Variants in COP1 observed in about 807,000 individuals in gnomAD.
The protein encoded by COP1 is E3 ubiquitin-protein ligase COP1.
In COP1, 24 loss-of-function variants were observed where a neutral mutation model predicts 101.3. The ratio of observed to expected loss-of-function variants is 0.24; its 90% CI spans 0.17 to 0.33. COP1 has a LOEUF of 0.33. Ranked by LOEUF, COP1 falls within the 10% of genes least tolerant of loss-of-function variation. The pLI, the probability that COP1 is intolerant of heterozygous loss-of-function variation, is 1.00. For synonymous variants in COP1, 347 were observed against 341.9 expected (o/e 1.01, Z -0.17); for missense variants, 663 against 906.2 (o/e 0.73, Z 3.45).
chr1:176,064,739 G>A (rs914233395), intron 11 of COP1, among the ~76,000 whole-genome samples: 3 of 151,560 alleles, frequency 2.0e-5, no homozygotes, highest in East Asian at 1.9e-4. Context: ...CTGCAGCCTC[G>A]ACCTCCCAGA....
At chr1:176,129,340 A>G (rs148228762) in intron 8 of COP1, among the ~76,000 whole-genome samples, 123 of 152,000 alleles carry the variant, frequency 8.1e-4, no homozygotes, top group African/African-American at 2.9e-3. Context: ...AGTGTCATAT[A>G]AAAGTCTTAC....
At chr1:176,198,539 G>A (rs546551176) in intron 1 of COP1, among the ~76,000 whole-genome samples, 1 of 152,100 alleles carries the variant, frequency 6.6e-6, no homozygotes, top group Admixed American at 6.5e-5. Flanking sequence ...CTAATTTCAT[G>A]TTAGATAACT....
At chr1:176,003,271 T>G (rs1168354044) in intron 15 of COP1, among the ~76,000 whole-genome samples, 2 of 152,202 alleles carry the variant, frequency 1.3e-5, no homozygotes, top group Non-Finnish European at 2.9e-5. Flanking sequence ...GATGAGTAGG[T>G]TGCAAAAATT....
At chr1:176,153,201 G>C (rs1264083034) in intron 5 of COP1, among the ~76,000 whole-genome samples, 3 of 152,058 alleles carry the variant, frequency 2.0e-5, no homozygotes, top group Non-Finnish European at 2.9e-5. Context: ...GTAAGGAAGG[G>C]ATGGCAGCAA....
At chr1:176,075,610 C>T (rs1449815079) in intron 11 of COP1, among the ~76,000 whole-genome samples, 4 of 152,128 alleles carry the variant, frequency 2.6e-5, no homozygotes, top group Non-Finnish European at 5.9e-5. Context: ...CTGAGATTTG[C>T]TTTAAAATAC....
intron 11 of COP1, among the ~76,000 whole-genome samples, chr1:176,047,385 G>GT (rs1459751376): frequency 6.6e-6 from 1 of 152,142 alleles, no homozygotes; most frequent in Non-Finnish European, 1.5e-5. Context: ...TAGAGGTGAG[G>GT]TAAATTGCCC....
intron 15 of COP1, among the ~76,000 whole-genome samples, chr1:176,009,396 A>T (rs1222986702): frequency 6.6e-6 from 1 of 152,236 alleles, no homozygotes. Flanking sequence ...TTATAAAAAT[A>T]ACATAGTACC....
At chr1:176,042,576 A>C (rs1347592261) in intron 14 of COP1, among the ~76,000 whole-genome samples, 2 of 150,444 alleles carry the variant, frequency 1.3e-5, no homozygotes, top group South Asian at 2.1e-4. Flanking sequence ...AAAAAAAAAA[A>C]AAAAACTAGC....
intron 8 of COP1, among the ~76,000 whole-genome samples, chr1:176,117,472 C>T (rs898149939): frequency 6.6e-6 from 1 of 152,148 alleles, no homozygotes; most frequent in Non-Finnish European, 1.5e-5. Flanking sequence ...TTCATCATTC[C>T]TATCTCCCTC....
At chr1:176,162,127 A>G (rs1369662641) in intron 5 of COP1, among the ~76,000 whole-genome samples, 1 of 152,150 alleles carries the variant, frequency 6.6e-6, no homozygotes, top group Admixed American at 6.5e-5. Context: ...TCAAATCCCT[A>G]TCTCATGTAC....
intron 15 of COP1, among the ~76,000 whole-genome samples, chr1:175,996,799 A>C (rs1252062521): frequency 1.3e-5 from 2 of 152,196 alleles, no homozygotes; most frequent in Admixed American, 6.5e-5. Flanking sequence ...GGAAGAATCA[A>C]TATCCTGAAA....
chr1:176,004,746 C>T (rs934886813), intron 15 of COP1, among the ~76,000 whole-genome samples: 32 of 148,918 alleles, frequency 2.1e-4, no homozygotes, highest in African/African-American at 2.9e-4. Context: ...CTGCGGGATT[C>T]GTTTTGCCAG....
chr1:176,156,744 A>C (rs893238735), intron 5 of COP1, among the ~76,000 whole-genome samples: 2 of 152,214 alleles, frequency 1.3e-5, no homozygotes, highest in Non-Finnish European at 2.9e-5. Context: ...ATTCATCCAG[A>C]AGATATAAAA....
chr1:176,093,139 AC>A (rs1184383069), intron 9 of COP1, among the ~76,000 whole-genome samples: 2 of 152,190 alleles, frequency 1.3e-5, no homozygotes, highest in African/African-American at 2.4e-5. Flanking sequence ...ATGTGGTAAA[AC>A]TTTTTTAAAA....
At chr1:176,038,743 G>A (rs1011211763) in intron 14 of COP1, among the ~76,000 whole-genome samples, 35 of 151,936 alleles carry the variant, frequency 2.3e-4, no homozygotes, top group Middle Eastern at 3.4e-3. Flanking sequence ...GCTTGAACCC[G>A]GGAGGCGGAG....
intron 5 of COP1, among the ~76,000 whole-genome samples, chr1:176,154,657 A>G (rs1380623633): frequency 6.6e-6 from 1 of 152,128 alleles, no homozygotes; most frequent in African/African-American, 2.4e-5. Flanking sequence ...GGAAGAGGAA[A>G]AGGATCACGA....
chr1:176,142,750 T>A (rs761479712), intron 6 of COP1, among the ~76,000 whole-genome samples: 6 of 151,056 alleles, frequency 4.0e-5, no homozygotes, highest in Non-Finnish European at 7.4e-5. Context: ...GTTCAAGTAA[T>A]AAGACATTTG....
chr1:176,055,521 T>C (rs958300859), intron 11 of COP1, among the ~76,000 whole-genome samples: 2 of 152,344 alleles, frequency 1.3e-5, no homozygotes, highest in East Asian at 1.9e-4. Context: ...CTGGATTTCT[T>C]TGGTGATCTC....
At chr1:176,174,524 C>T (rs1394374340) in intron 3 of COP1, among the ~76,000 whole-genome samples, 1 of 150,852 alleles carries the variant, frequency 6.6e-6, no homozygotes, top group Non-Finnish European at 1.5e-5. Flanking sequence ...TTAAGCACCC[C>T]TTTCTGCTAT....
Sources: gnomAD v4.1 joint callset for allele counts (sites outside exome capture counted in the v4.1 genomes callset) on GRCh38, gnomAD v4.1.1 for gene constraint, MANE v1.5 for transcripts, NCBI Gene and HGNC (gene_info 2026-07-23, HGNC 2026-07-21) for gene names.